The following AVL9 variants were observed in gnomAD, a reference collection of about 807,000 sequenced individuals.
AVL9 encodes late secretory pathway protein AVL9 homolog.
A neutral mutation model predicts 79.2 loss-of-function variants in AVL9; 49 were observed. That is an observed-to-expected ratio of 0.62 (90% CI 0.49 to 0.79). AVL9 has a LOEUF of 0.79. Among genes scored for constraint, AVL9 ranks in the 30% least tolerant of loss-of-function variants. The pLI is 0.00. For synonymous variants in AVL9, 299 were observed against 280.6 expected (o/e 1.07, Z -0.65); for missense variants, 682 against 776.8 (o/e 0.88, Z 1.45).
intron 1 of AVL9, among the ~76,000 whole-genome samples, chr7:32,541,992 G>A (rs1789232535): frequency 6.6e-6 from 1 of 152,110 alleles, no homozygotes; most frequent in Admixed American, 6.5e-5. Flanking sequence ...GAGAATTCAG[G>A]TGTGAGCCAC....
intron 1 of AVL9, among the ~76,000 whole-genome samples, chr7:32,517,409 G>A (rs145336834): frequency 4.0e-4 from 61 of 151,516 alleles, no homozygotes; most frequent in African/African-American, 1.4e-3. Flanking sequence ...GAGTTCAAGC[G>A]ATTCTCCTTC....
intron 8 of AVL9, among the ~76,000 whole-genome samples, chr7:32,555,130 G>A (rs1321883267): frequency 6.6e-6 from 1 of 152,138 alleles, no homozygotes; most frequent in African/African-American, 2.4e-5. Context: ...CTTGCGCTCA[G>A]GAGTTTGAGA....
At chr7:32,503,377 C>T (rs1277031085) in intron 1 of AVL9, among the ~76,000 whole-genome samples, 10 of 136,570 alleles carry the variant, frequency 7.3e-5, no homozygotes, top group African/African-American at 2.9e-4. Context: ...TATATATACA[C>T]ACACACACAC....
intron 1 of AVL9, among the ~76,000 whole-genome samples, chr7:32,509,182 T>C (rs901572924): frequency 6.6e-5 from 10 of 152,166 alleles, no homozygotes; most frequent in Non-Finnish European, 1.2e-4. Context: ...CCCTCAGCTT[T>C]GATGAGAGCC....
At chr7:32,498,237 ATTTTTTTTTTTT>A (rs10547851) in intron 1 of AVL9, among the ~76,000 whole-genome samples, 1 of 89,814 alleles carries the variant, frequency 1.1e-5, no homozygotes, top group Non-Finnish European at 2.0e-5. Context: ...AAGTCCTCAG[ATTTTTTTTTTTT>A]TTTTTTTTTT....
rs745585928 is a variant in AVL9, at chr7:32,543,221, C to A, written c.174C>A (p.Pro58=). 6.2e-7 allele frequency: 1 copy of A among 1,614,170 alleles called. No individual in the cohort carries two copies. The highest frequency in any genetic ancestry group is 2.2e-5 in the East Asian group (1 of 44,882). Reference sequence around the variant, plus strand: ...TACCTGAAGAATGGAAGTATTTGCCCTTCCTTGCCTTACCAGATGGCGCAC... The same window carrying A: ...TACCTGAAGAATGGAAGTATTTGCCATTCCTTGCCTTACCAGATGGCGCAC... ...HTLPEEWKYL[P]FLALPDGAHN... Residue 58 remains proline, a synonymous_variant, in exon 2 of 16, where the codon CCC becomes CCA. Transcript: ENST00000318709.
chr7:32,521,135 T>C (rs1198722957), intron 1 of AVL9, among the ~76,000 whole-genome samples: 1 of 152,192 alleles, frequency 6.6e-6, no homozygotes, highest in African/African-American at 2.4e-5. Flanking sequence ...GGTATGTCTT[T>C]ATCAGCAGCA....
chr7:32,526,008 A>G (rs1788385877), intron 1 of AVL9, among the ~76,000 whole-genome samples: 1 of 152,152 alleles, frequency 6.6e-6, no homozygotes, highest in African/African-American at 2.4e-5. Flanking sequence ...GCAAATTGAG[A>G]GAGTACTGCT....
chr7:32,583,694 A>T (rs532123630), intron 15 of AVL9, 98 bp from the exon 16 acceptor site: 8 of 780,790 alleles, frequency 1.0e-5, no homozygotes, highest in African/African-American at 1.8e-5. Context: ...ACATTTTTTT[A>T]AATTTTTAAT....
At chr7:32,551,605 C>CTTTT (rs60271681) in intron 5 of AVL9, among the ~76,000 whole-genome samples, 182 bp downstream of exon 5, 2 of 93,752 alleles carry the variant, frequency 2.1e-5, no homozygotes, top group Admixed American at 2.9e-4. Context: ...TTTAACCAAA[C>CTTTT]TTTTTTTTTT....
At chr7:32,578,690 T>G (rs933250289) in intron 13 of AVL9, among the ~76,000 whole-genome samples, 69 of 152,130 alleles carry the variant, frequency 4.5e-4, no homozygotes, top group African/African-American at 1.6e-3. Flanking sequence ...ATGCCTGTAC[T>G]CCCAGCTACT....
At position 32,551,408 on chromosome 7, in the gene AVL9, A is replaced by G. The variant is rs1169294658; in HGVS notation, c.447A>G (p.Gln149=). ...HAYFEEKDFS[Q]ISILKELYEH... ...ATTTTGAAGAGAAGGATTTTTCCCA[A>G]ATTTCTATTCTAAAGGTAACTTTAT... The change falls in exon 5 of 16, where the codon CAA becomes CAG. Residue 149 remains glutamine (Q), a synonymous_variant. Transcript: ENST00000318709. 5 of 1,604,048 alleles carry G rather than the reference A, an allele frequency of 3.1e-6. No homozygotes were observed. Among genetic ancestry groups the G allele is most frequent in the Admixed American group, 1.7e-5 (1 of 59,942 alleles).
chr7:32,587,826 T>C lies in AVL9; in HGVS notation c.*3919T>C, dbSNP rs1008948675. The C allele has an allele frequency of 5.3e-5, 8 of 152,218 alleles. No homozygotes were observed. The highest frequency in any genetic ancestry group is 1.9e-4 in the African/African-American group (8 of 41,440). 9.4% of individuals were successfully genotyped at this position (152,218 alleles called of 1,614,324 possible). ...AACATTGGAATTGTTTTTCCATAAT[T>C]TCCGGCATTCCATAAATATTTGTCA... On this transcript the variant is annotated 3_prime_UTR_variant, in exon 16 of 16. Coordinates refer to ENST00000318709, the MANE Select transcript of AVL9 (RefSeq NM_015060.3).
At chr7:32,540,375 C>T (rs1177512821) in intron 1 of AVL9, among the ~76,000 whole-genome samples, 2 of 152,160 alleles carry the variant, frequency 1.3e-5, no homozygotes, top group Non-Finnish European at 2.9e-5. Flanking sequence ...GCAGACAGTG[C>T]TTCATGAGTC....
intron 3 of AVL9, 60 bp downstream of exon 3, chr7:32,544,839 AAC>A (rs1388603594): frequency 8.1e-7 from 1 of 1,238,704 alleles, no homozygotes; most frequent in African/African-American, 1.5e-5. Flanking sequence ...TGGACACTTA[AAC>A]ACAGTCTTTA....
intron 1 of AVL9, among the ~76,000 whole-genome samples, chr7:32,500,131 A>G (rs1420699813): frequency 2.0e-5 from 3 of 152,156 alleles, no homozygotes; most frequent in Non-Finnish European, 4.4e-5. Context: ...TGCTGGGTCA[A>G]ATGGTATTTC....
At chr7:32,575,894 A>T in intron 12 of AVL9, 61 bp from the exon 13 acceptor site, 1 of 1,225,464 alleles carries the variant, frequency 8.2e-7, no homozygotes, top group Non-Finnish European at 1.2e-6. Flanking sequence ...TTTGGTTATA[A>T]TCTTCACATC....
chr7:32,512,900 A>AT (rs1390077657), intron 1 of AVL9, among the ~76,000 whole-genome samples: 2 of 151,850 alleles, frequency 1.3e-5, no homozygotes, highest in African/African-American at 4.8e-5. Flanking sequence ...TTTCTACCAC[A>AT]TGTTTCATAC....
intron 1 of AVL9, chr7:32,537,716 G>C (rs953115134): frequency 1.3e-5 from 2 of 152,008 alleles, no homozygotes; most frequent in African/African-American, 2.4e-5. Flanking sequence ...TGCCTGCCTC[G>C]GTCCCCCAAA....
Sources: gnomAD v4.1 joint callset for allele counts (sites outside exome capture counted in the v4.1 genomes callset) on GRCh38, gnomAD v4.1.1 for gene constraint, MANE v1.5 for transcripts, NCBI Gene and HGNC (gene_info 2026-07-23, HGNC 2026-07-21) for gene names.